Variants in NDST4 observed in about 807,000 individuals in gnomAD.
NDST4 encodes the protein N-deacetylase and N-sulfotransferase 4.
Under a neutral mutation model 100.8 loss-of-function variants are expected in NDST4, and 63 were observed. That is an observed-to-expected ratio of 0.62 (90% confidence interval 0.51 to 0.77). The LOEUF (loss-of-function observed/expected upper bound fraction) is 0.77. Ranked by LOEUF, NDST4 falls within the 30% of genes least tolerant of loss-of-function variation. The pLI, the probability that NDST4 is intolerant of heterozygous loss-of-function variation, is 0.00. For missense variants in NDST4, 943 were observed against 1,018.4 expected, an observed-to-expected ratio of 0.93 and a Z score of 1.01; for synonymous variants, 377 against 361.8, an observed-to-expected ratio of 1.04 and a Z score of -0.48.
At chr4:114,936,685 A>T (rs1725635317) in intron 5 of NDST4, among the ~76,000 whole-genome samples, 1 of 152,170 alleles carries the variant, frequency 6.6e-6, no homozygotes. Flanking sequence ...TTGCCTTCTG[A>T]AATCCAATTG....
intron 10 of NDST4, among the ~76,000 whole-genome samples, chr4:114,841,563 T>G (rs762300160): frequency 6.6e-6 from 1 of 152,202 alleles, no homozygotes; most frequent in African/African-American, 2.4e-5. Flanking sequence ...ATTGAACTGG[T>G]TTAATCTATG....
chr4:114,922,129 T>C (rs1038449512), intron 6 of NDST4, among the ~76,000 whole-genome samples: 7 of 152,074 alleles, frequency 4.6e-5, no homozygotes, highest in Admixed American at 4.6e-4. Flanking sequence ...AAAATAATAA[T>C]CGGTTGCAGC....
chr4:114,893,887 C>G (rs1249651965), intron 6 of NDST4, among the ~76,000 whole-genome samples: 1 of 152,132 alleles, frequency 6.6e-6, no homozygotes, highest in African/African-American at 2.4e-5. Flanking sequence ...ATATTTAAGT[C>G]TTTAATTCAT....
At chr4:114,836,233 T>C (rs1339719982) in intron 11 of NDST4, among the ~76,000 whole-genome samples, 1 of 152,206 alleles carries the variant, frequency 6.6e-6, no homozygotes, top group African/African-American at 2.4e-5. Context: ...TTGATGTGTT[T>C]TTGCAGGGTT....
At position 114,827,933 on chromosome 4, in the gene NDST4, A is replaced by C; in HGVS notation, c.2502T>G (p.Ser834=). 10 of 1,586,452 alleles carry C rather than the reference A, an allele frequency of 6.3e-6. No homozygotes were observed. The highest frequency in any genetic ancestry group is 8.5e-6 in the Non-Finnish European group (10 of 1,172,294). ...GGTAGTAATTAGAGAGGAACGTTCT[A>C]GACTGGAAAGAAAAAAAGAAGAACT... The part of the protein sequence containing the change: ...GRKYPPMDPE[S]RTFLSNYYRD... Residue 834 remains serine (S), a splice_region_variant and synonymous_variant, in exon 14 of 14, where the codon TCT becomes TCG. Transcript: ENST00000264363.
intron 8 of NDST4, among the ~76,000 whole-genome samples, chr4:114,849,287 T>A (rs1015114747): frequency 6.6e-6 from 1 of 152,210 alleles, no homozygotes; most frequent in Non-Finnish European, 1.5e-5. Context: ...ATCATAACTC[T>A]CATAAATCAA....
intron 1 of NDST4, among the ~76,000 whole-genome samples, chr4:115,101,156 A>C (rs968050035): frequency 6.6e-5 from 10 of 152,126 alleles, no homozygotes; most frequent in Non-Finnish European, 1.5e-4. Context: ...TCTACTCTTC[A>C]AAAGCAATGG....
At chr4:114,926,650 T>C (rs999557832) in intron 6 of NDST4, among the ~76,000 whole-genome samples, 1 of 151,940 alleles carries the variant, frequency 6.6e-6, no homozygotes, top group Non-Finnish European at 1.5e-5. Flanking sequence ...CAACACAAAA[T>C]AATGTGAATC....
intron 8 of NDST4, among the ~76,000 whole-genome samples, chr4:114,849,852 C>G (rs1723634743): frequency 6.6e-6 from 1 of 152,162 alleles, no homozygotes; most frequent in African/African-American, 2.4e-5. Flanking sequence ...AGAAATCTCT[C>G]AACCACACTG....
chr4:114,940,755 T>C (rs909909306), intron 4 of NDST4, among the ~76,000 whole-genome samples: 4 of 152,090 alleles, frequency 2.6e-5, no homozygotes, highest in South Asian at 2.1e-4. Flanking sequence ...GGGTGGTGAA[T>C]GTGGGGCGGG....
intron 2 of NDST4, among the ~76,000 whole-genome samples, chr4:115,005,436 A>G (rs1476116729): frequency 6.6e-6 from 1 of 152,146 alleles, no homozygotes. Context: ...ATAGGCATAT[A>G]TGGCAGAAGT....
At chr4:114,857,179 G>T (rs1188497182) in intron 7 of NDST4, among the ~76,000 whole-genome samples, 1 of 152,126 alleles carries the variant, frequency 6.6e-6, no homozygotes, top group Non-Finnish European at 1.5e-5. Context: ...CACTTTTAAG[G>T]TTCTGTAGCA....
chr4:114,867,399 C>G (rs1280065244), intron 7 of NDST4, among the ~76,000 whole-genome samples: 2 of 151,970 alleles, frequency 1.3e-5, no homozygotes, highest in Admixed American at 6.6e-5. Context: ...TTCTTTAACC[C>G]TGGAGACGTT....
At position 114,885,499 on chromosome 4, in the gene NDST4, T is replaced by C. The variant is rs147525693; in HGVS notation, c.1537-14549A>G. Among the ~76,000 whole-genome samples the C allele has an allele frequency of 2.0e-5, 3 of 152,196 alleles. No individual in the cohort carries two copies. The East Asian group carries it at 5.8e-4, about 29-fold the overall frequency. On this transcript the variant is annotated intron_variant, in intron 6 of 13. Transcript: ENST00000264363. ...ACAAATTGTCTCAGAATTCAATGCT[T>C]TTTATAATATATTCATGACCCTTCT... is the stretch of plus-strand genomic sequence containing the variant.
chr4:115,001,994 C>T (rs78680818), intron 2 of NDST4, among the ~76,000 whole-genome samples: 9,986 of 152,166 alleles, frequency 0.066, 1,090 homozygotes, highest in African/African-American at 0.23. Context: ...TAGTTTATCT[C>T]CTCCTCTATC....
chr4:115,077,573 AGAAGT>A (rs1275405572), intron 1 of NDST4, among the ~76,000 whole-genome samples: 2 of 152,196 alleles, frequency 1.3e-5, no homozygotes, highest in African/African-American at 4.8e-5. Flanking sequence ...AAAAAAGAAA[AGAAGT>A]AAGAAAGTAA....
chr4:115,012,431 G>A (rs1277547291), intron 2 of NDST4, among the ~76,000 whole-genome samples: 1 of 151,920 alleles, frequency 6.6e-6, no homozygotes, highest in African/African-American at 2.4e-5. Context: ...CGGTTGCAAA[G>A]TAAAACTATC....
chr4:115,034,560 T>C (rs1404770551), intron 2 of NDST4, among the ~76,000 whole-genome samples: 1 of 152,136 alleles, frequency 6.6e-6, no homozygotes, highest in Admixed American at 6.6e-5. Flanking sequence ...TTTAAATATG[T>C]AGGAATCAAA....
chr4:114,843,085 C>T (rs1723467663), intron 10 of NDST4, among the ~76,000 whole-genome samples: 1 of 152,106 alleles, frequency 6.6e-6, no homozygotes, highest in Admixed American at 6.6e-5. Context: ...GTACTAGACT[C>T]ATCAAATTAT....
Sources: allele counts gnomAD v4.1 joint callset (sites outside exome capture counted in the v4.1 genomes callset), GRCh38; gene constraint gnomAD v4.1.1; transcripts MANE v1.5; gene names NCBI Gene and HGNC (gene_info 2026-07-23, HGNC 2026-07-21).